KCNN2: variants seen among roughly 807,000 people sequenced by gnomAD.
KCNN2 encodes the protein small conductance calcium-activated potassium channel protein 2.
In KCNN2, 24 loss-of-function variants were observed where a neutral mutation model predicts 55.5. The observed-to-expected ratio is 0.43, with a 90% CI of 0.31 to 0.61. The LOEUF is 0.61. KCNN2 is among the 20% of genes least tolerant of loss of function. The pLI, the probability that KCNN2 is intolerant of heterozygous loss-of-function variation, is 0.08. For missense variants in KCNN2, 754 were observed against 853.6 expected (o/e 0.88, Z 1.45); for synonymous variants, 431 against 336.1 (o/e 1.28, Z -3.09).
At chr5:114,188,363 A>T (rs2112560353) in intron 1 of KCNN2, among the ~76,000 whole-genome samples, 1 of 152,332 alleles carries the variant, frequency 6.6e-6, no homozygotes, top group Admixed American at 6.5e-5. Flanking sequence ...GCATAGTTCC[A>T]AGGGCAGTGA....
chr5:114,272,953 G>A (rs756208857), intron 2 of KCNN2, among the ~76,000 whole-genome samples: 3 of 151,874 alleles, frequency 2.0e-5, no homozygotes, highest in South Asian at 2.1e-4. Context: ...AGGTATACAC[G>A]TGCCATGAGT....
At chr5:114,466,217 T>A (rs1010788139) in intron 4 of KCNN2, among the ~76,000 whole-genome samples, 2 of 152,166 alleles carry the variant, frequency 1.3e-5, no homozygotes, top group Admixed American at 6.5e-5. Context: ...TTATTTTCTC[T>A]TTTTATTCTT....
At chr5:114,204,720 G>T (rs1196695125) in intron 1 of KCNN2, among the ~76,000 whole-genome samples, 1 of 152,186 alleles carries the variant, frequency 6.6e-6, no homozygotes. Flanking sequence ...CCACCATTAT[G>T]GTGGAGCCTC....
chr5:114,102,445 A>G (rs1192698239), intron 1 of KCNN2, among the ~76,000 whole-genome samples: 1 of 151,956 alleles, frequency 6.6e-6, no homozygotes, highest in Non-Finnish European at 1.5e-5. Flanking sequence ...GTTTAATTAG[A>G]TCCCTTTTGT....
intron 1 of KCNN2, among the ~76,000 whole-genome samples, chr5:114,141,075 C>A (rs1439061208): frequency 6.6e-6 from 1 of 152,076 alleles, no homozygotes; most frequent in African/African-American, 2.4e-5. Flanking sequence ...GCATAAGCCA[C>A]CATGCCTGCT....
At chr5:114,278,641 G>C (rs74611862) in intron 2 of KCNN2, among the ~76,000 whole-genome samples, 8 of 152,194 alleles carry the variant, frequency 5.3e-5, no homozygotes, top group African/African-American at 1.9e-4. Context: ...CACTAGCAGT[G>C]AGCAAGGCTC....
rs144298413 is a variant in KCNN2, at chr5:114,116,285, C to G, written c.-271+59785C>G. 2.5e-4 allele frequency among the ~76,000 whole-genome samples: 38 copies of G among 152,204 alleles called. No individual in the cohort carries two copies. In the East Asian group the frequency reaches 4.4e-3, roughly 18 times the overall value. ...AGGAAAACAAAACAAAGGAGGTTCT[C>G]TGCAGTCAGAGAGGCAAAGGGAGAA... On this transcript the variant is annotated intron_variant, in intron 1 of 10. Transcript: ENST00000512097.
At chr5:114,358,365 TTG>T (rs1757337388), upstream of KCNN2, among the ~76,000 whole-genome samples, 1 of 152,122 alleles carries the variant, frequency 6.6e-6, no homozygotes, top group African/African-American at 2.4e-5. Flanking sequence ...GAAAATGTGT[TTG>T]TGTGTGGGAT....
chr5:114,133,200 C>G (rs1029808229), intron 1 of KCNN2, among the ~76,000 whole-genome samples: 6 of 151,830 alleles, frequency 4.0e-5, no homozygotes, highest in African/African-American at 1.5e-4. Context: ...TGATTCCCAT[C>G]AGATTTTTTT....
At chr5:114,438,759 G>C (rs989635347) in intron 3 of KCNN2, among the ~76,000 whole-genome samples, 8 of 152,106 alleles carry the variant, frequency 5.3e-5, no homozygotes, top group African/African-American at 1.9e-4. Context: ...ATTCTGCCCT[G>C]GTGCCTCTTT....
intron 1 of KCNN2, among the ~76,000 whole-genome samples, chr5:114,093,889 C>A (rs1437094578): frequency 1.3e-5 from 2 of 152,080 alleles, no homozygotes; most frequent in Non-Finnish European, 2.9e-5. Context: ...AACCATAGTA[C>A]AACCTAAAGA....
chr5:114,437,821 G>A (rs2150092009), intron 3 of KCNN2, among the ~76,000 whole-genome samples: 1 of 152,284 alleles, frequency 6.6e-6, no homozygotes, highest in East Asian at 1.9e-4. Context: ...ATTTGCCTGG[G>A]TGATATTTGA....
chr5:114,130,549 A>G (rs956136224), intron 1 of KCNN2, among the ~76,000 whole-genome samples: 2 of 152,106 alleles, frequency 1.3e-5, no homozygotes, highest in Non-Finnish European at 2.9e-5. Context: ...GTTTGACTAT[A>G]TGCCTGGTTG....
At chr5:114,431,786 T>C (rs1759804785) in intron 3 of KCNN2, among the ~76,000 whole-genome samples, 1 of 152,204 alleles carries the variant, frequency 6.6e-6, no homozygotes, top group Non-Finnish European at 1.5e-5. Context: ...ATTTTCAATT[T>C]CATTTACTTT....
intron 3 of KCNN2, among the ~76,000 whole-genome samples, chr5:114,406,138 C>A (rs1024354792): frequency 1.3e-5 from 2 of 150,912 alleles, no homozygotes; most frequent in Non-Finnish European, 2.9e-5. Flanking sequence ...CCCTGACCAC[C>A]CCCCAGCCCA....
chr5:114,059,084 GGGT>G lies in KCNN2; in HGVS notation c.-271+2590_-271+2592del, dbSNP rs777717933. Among the ~76,000 whole-genome samples the G allele has an allele frequency of 2.0e-4, 30 of 152,258 alleles. 1 individual carries two copies. The highest frequency in any genetic ancestry group is 2.6e-4 in the Admixed American group (4 of 15,292). On this transcript the variant is annotated intron_variant, in intron 1 of 10. Transcript: ENST00000512097. Reference sequence around the variant, plus strand: ...CCAGCAATAGCCTGTTGGTGCATCTGGGTGGTGGGCATAGACTTGAGGAGAAGT... The same window carrying G: ...CCAGCAATAGCCTGTTGGTGCATCTGGGTGGGCATAGACTTGAGGAGAAGT...
chr5:114,185,979 T>G (rs1363449883), intron 1 of KCNN2, among the ~76,000 whole-genome samples: 1 of 152,232 alleles, frequency 6.6e-6, no homozygotes, highest in Non-Finnish European at 1.5e-5. Flanking sequence ...TCTCTGCAGC[T>G]GAGACCTTAA....
intron 2 of KCNN2, among the ~76,000 whole-genome samples, chr5:114,369,852 G>T (rs1391990100): frequency 6.6e-6 from 1 of 152,084 alleles, no homozygotes. Context: ...GTTTTCTAGA[G>T]TATCCAACCT....
At chr5:114,411,157 A>G (rs1353640328) in intron 3 of KCNN2, among the ~76,000 whole-genome samples, 1 of 152,134 alleles carries the variant, frequency 6.6e-6, no homozygotes, top group African/African-American at 2.4e-5. Flanking sequence ...TCTTAAAAGT[A>G]TATTTTGTTC....
Sources: allele counts gnomAD v4.1 joint callset (sites outside exome capture counted in the v4.1 genomes callset), GRCh38; gene constraint gnomAD v4.1.1; transcripts MANE v1.5; gene names NCBI Gene and HGNC (gene_info 2026-07-23, HGNC 2026-07-21).